Variants in SLC25A26 observed in about 807,000 individuals in gnomAD.
The protein encoded by SLC25A26 is solute carrier family 25 member 26, also known as mitochondrial S-adenosylmethionine carrier protein.
Under a neutral mutation model 37.8 loss-of-function variants are expected in SLC25A26, and 36 were observed. The ratio of observed to expected loss-of-function variants is 0.95; its 90% CI spans 0.73 to 1.26. SLC25A26 has a LOEUF of 1.26. SLC25A26 is among the 50% of genes most tolerant of loss of function. The pLI is 0.00. For synonymous variants in SLC25A26, 129 were observed against 122.5 expected (o/e 1.05, Z -0.35); for missense variants, 390 against 331.1 (o/e 1.18, Z -1.38).
At chr3:66,182,043 A>C (rs1332522579) in intron 1 of SLC25A26, among the ~76,000 whole-genome samples, 1 of 152,086 alleles carries the variant, frequency 6.6e-6, no homozygotes, top group Non-Finnish European at 1.5e-5. Flanking sequence ...ATATATTATA[A>C]ATAGAGCCTT....
At chr3:66,181,937 T>C (rs2070716884) in intron 1 of SLC25A26, among the ~76,000 whole-genome samples, 1 of 152,312 alleles carries the variant, frequency 6.6e-6, no homozygotes, top group East Asian at 1.9e-4. Flanking sequence ...CCTGGGAGCG[T>C]GCCCGTGTGC....
chr3:66,314,816 A>G (rs907897548), intron 5 of SLC25A26, among the ~76,000 whole-genome samples: 1 of 151,194 alleles, frequency 6.6e-6, no homozygotes, highest in Non-Finnish European at 1.5e-5. Flanking sequence ...TTATTGGTCT[A>G]GTCAGAGATT....
intron 6 of SLC25A26, among the ~76,000 whole-genome samples, chr3:66,354,337 A>G (rs1036003611): frequency 1.4e-4 from 21 of 152,216 alleles, no homozygotes; most frequent in African/African-American, 3.6e-4. Context: ...TGAAAATAAA[A>G]TCAGTTTGGT....
chr3:66,142,955 T>G (rs1207347470), intron 1 of SLC25A26, among the ~76,000 whole-genome samples: 2 of 152,026 alleles, frequency 1.3e-5, no homozygotes, highest in Admixed American at 6.6e-5. Context: ...TTTGTAGAGA[T>G]GGGATCTCAC....
intron 5 of SLC25A26, among the ~76,000 whole-genome samples, chr3:66,288,322 A>G (rs982499268): frequency 3.3e-5 from 5 of 151,920 alleles, no homozygotes; most frequent in Non-Finnish European, 7.4e-5. Flanking sequence ...ATTGGAAAGC[A>G]TTTTTTTTAA....
At chr3:66,145,007 G>A (rs920452629) in intron 1 of SLC25A26, among the ~76,000 whole-genome samples, 5 of 152,162 alleles carry the variant, frequency 3.3e-5, no homozygotes, top group African/African-American at 1.2e-4. Flanking sequence ...AGAGCCACGA[G>A]GGAGTGGTGG....
upstream of SLC25A26, among the ~76,000 whole-genome samples, chr3:66,220,051 G>C (rs529822169): frequency 1.3e-5 from 2 of 152,328 alleles, no homozygotes; most frequent in African/African-American, 4.8e-5. Flanking sequence ...TTATAGAATA[G>C]GGATTGAAGA....
intron 1 of SLC25A26, among the ~76,000 whole-genome samples, chr3:66,179,138 T>C (rs1016962420): frequency 3.3e-5 from 5 of 152,242 alleles, no homozygotes; most frequent in Non-Finnish European, 7.3e-5. Context: ...TTTTCTCTCT[T>C]ACGCGTTTTA....
At chr3:66,227,280 C>CA (rs1467933582) in intron 1 of SLC25A26, among the ~76,000 whole-genome samples, 4 of 152,126 alleles carry the variant, frequency 2.6e-5, no homozygotes, top group Admixed American at 1.3e-4. Context: ...TTTCCATGGC[C>CA]AGCTGTTTGT....
chr3:66,351,732 G>A (rs2076458352), intron 6 of SLC25A26, among the ~76,000 whole-genome samples: 1 of 152,106 alleles, frequency 6.6e-6, no homozygotes, highest in Admixed American at 6.5e-5. Flanking sequence ...TCAGTAAATA[G>A]CAAAGTTGTC....
chr3:66,231,222 A>T (rs968066202), intron 1 of SLC25A26, among the ~76,000 whole-genome samples: 2 of 152,188 alleles, frequency 1.3e-5, no homozygotes, highest in African/African-American at 4.8e-5. Flanking sequence ...GAGTAGTCAG[A>T]TTGGTTGAAC....
intron 3 of SLC25A26, among the ~76,000 whole-genome samples, chr3:66,247,708 C>G (rs2072913250): frequency 6.6e-6 from 1 of 152,198 alleles, no homozygotes; most frequent in Non-Finnish European, 1.5e-5. Flanking sequence ...TTCTGATGCT[C>G]TAATAATCTT....
At chr3:66,354,311 A>G (rs1467537652) in intron 6 of SLC25A26, among the ~76,000 whole-genome samples, 1 of 152,216 alleles carries the variant, frequency 6.6e-6, no homozygotes, top group East Asian at 1.9e-4. Flanking sequence ...TAAGCTAAGC[A>G]GTATTTAAAG....
At chr3:66,350,617 A>G (rs2076428167) in intron 6 of SLC25A26, among the ~76,000 whole-genome samples, 1 of 152,096 alleles carries the variant, frequency 6.6e-6, no homozygotes, top group African/African-American at 2.4e-5. Context: ...TAAAACTCTA[A>G]AACATTAAGT....
intron 1 of SLC25A26, among the ~76,000 whole-genome samples, chr3:66,168,164 T>A (rs1487434550): frequency 2.6e-4 from 9 of 34,462 alleles, no homozygotes; most frequent in African/African-American, 1.7e-3. Flanking sequence ...AAAAAAAATA[T>A]ATATATATAT....
intron 5 of SLC25A26, among the ~76,000 whole-genome samples, chr3:66,291,201 CTCTTT>C (rs1047096119): frequency 1.2e-4 from 18 of 152,096 alleles, no homozygotes; most frequent in African/African-American, 4.1e-4. Context: ...TGATTCTTCT[CTCTTT>C]TCTTCTTTAT....
chr3:66,335,936 A>C (rs1049158483), intron 5 of SLC25A26, among the ~76,000 whole-genome samples: 1 of 152,114 alleles, frequency 6.6e-6, no homozygotes, highest in African/African-American at 2.4e-5. Context: ...AGAGTAGATG[A>C]GTAGGCAGGT....
At chr3:66,367,703 G>C (rs1252972498) in intron 7 of SLC25A26, among the ~76,000 whole-genome samples, 102 of 122,776 alleles carry the variant, frequency 8.3e-4, no homozygotes, top group African/African-American at 5.1e-3. Context: ...CAGACAGACA[G>C]ACACAGAGAG....
intron 3 of SLC25A26, among the ~76,000 whole-genome samples, chr3:66,245,094 A>G (rs1174941102): frequency 1.3e-5 from 2 of 152,054 alleles, no homozygotes; most frequent in African/African-American, 2.4e-5. Context: ...TTTTGAAGAG[A>G]TGGGGGTCTC....
Sources: allele counts gnomAD v4.1 joint callset (sites outside exome capture counted in the v4.1 genomes callset), GRCh38; gene constraint gnomAD v4.1.1; transcripts MANE v1.5; gene names NCBI Gene and HGNC (gene_info 2026-07-23, HGNC 2026-07-21).